ERBB4: variants seen among roughly 807,000 people sequenced by gnomAD.
ERBB4 encodes the protein erb-b2 receptor tyrosine kinase 4, also known as receptor tyrosine-protein kinase erbB-4.
ERBB4 carries 42 observed loss-of-function variants against 158.0 expected under a neutral mutation model. The ratio of observed to expected loss-of-function variants is 0.27; its 90% CI spans 0.21 to 0.34. The LOEUF (loss-of-function observed/expected upper bound fraction) is 0.34. ERBB4 is among the 10% of genes least tolerant of loss of function. The probability of loss-of-function intolerance (pLI) is 1.00; values close to 1 mark genes in which losing one functional copy is unlikely to be tolerated. For synonymous variants in ERBB4, 583 were observed against 558.7 expected (o/e 1.04, Z -0.61); for missense variants, 1,333 against 1,624.1 (o/e 0.82, Z 3.08).
At chr2:212,293,466 C>T (rs72945692) in intron 1 of ERBB4, among the ~76,000 whole-genome samples, 25,197 of 151,910 alleles carry the variant, frequency 0.17, 2,272 homozygotes, top group South Asian at 0.3. Flanking sequence ...AGACAACAAA[C>T]CTTATTAAAA....
chr2:211,482,149 A>C (rs539820376), intron 20 of ERBB4, among the ~76,000 whole-genome samples: 2 of 152,222 alleles, frequency 1.3e-5, no homozygotes, highest in African/African-American at 2.4e-5. Context: ...GATAATCCAG[A>C]GAACTGCAGA....
At chr2:211,662,038 C>CAAAAAAAAAA (rs61318918) in intron 15 of ERBB4, among the ~76,000 whole-genome samples, 12 of 39,704 alleles carry the variant, frequency 3.0e-4, no homozygotes, top group East Asian at 1.6e-3. Flanking sequence ...GACTCCGTCT[C>CAAAAAAAAAA]AAAAAAAAAA....
chr2:212,248,370 C>A (rs1429650974), intron 1 of ERBB4, among the ~76,000 whole-genome samples: 2 of 152,016 alleles, frequency 1.3e-5, no homozygotes, highest in African/African-American at 4.8e-5. Flanking sequence ...TTTTTGTGTC[C>A]TCTGACAACA....
intron 2 of ERBB4, among the ~76,000 whole-genome samples, chr2:211,952,132 T>C (rs866445613): frequency 1.3e-5 from 2 of 152,152 alleles, no homozygotes; most frequent in East Asian, 3.9e-4. Flanking sequence ...AATTCTTATA[T>C]CTAAAAGAAA....
At chr2:211,700,120 A>C (rs1216266637) in intron 12 of ERBB4, among the ~76,000 whole-genome samples, 2 of 152,070 alleles carry the variant, frequency 1.3e-5, no homozygotes, top group African/African-American at 4.8e-5. Flanking sequence ...TTTTTTAAGG[A>C]TGTGGAAGGA....
chr2:212,452,240 A>T (rs2092456870), intron 1 of ERBB4, among the ~76,000 whole-genome samples: 1 of 152,144 alleles, frequency 6.6e-6, no homozygotes, highest in Non-Finnish European at 1.5e-5. Flanking sequence ...CCCCAGAGAA[A>T]CTTAAAGCCT....
At chr2:212,350,703 T>C (rs1024663019) in intron 1 of ERBB4, among the ~76,000 whole-genome samples, 5 of 152,134 alleles carry the variant, frequency 3.3e-5, no homozygotes, top group African/African-American at 1.2e-4. Flanking sequence ...TAAAATTGCC[T>C]ACTATTCTTA....
chr2:212,397,512 G>A (rs570763582), intron 1 of ERBB4, among the ~76,000 whole-genome samples: 1 of 144,280 alleles, frequency 6.9e-6, no homozygotes, highest in Non-Finnish European at 1.6e-5. Flanking sequence ...AGGAAGGAAG[G>A]GGGGAAGGGG....
intron 1 of ERBB4, among the ~76,000 whole-genome samples, chr2:212,292,142 A>C (rs1449501319): frequency 1.3e-5 from 2 of 151,998 alleles, no homozygotes; most frequent in Non-Finnish European, 2.9e-5. Context: ...AACTTTCTCC[A>C]TTATCAAACA....
At chr2:211,422,948 A>G (rs1263285889) in intron 23 of ERBB4, among the ~76,000 whole-genome samples, 1 of 151,944 alleles carries the variant, frequency 6.6e-6, no homozygotes, top group East Asian at 1.9e-4. Flanking sequence ...AAGGCTGTAA[A>G]GCTTGTTCCT....
intron 1 of ERBB4, among the ~76,000 whole-genome samples, chr2:212,330,956 G>A (rs945447425): frequency 6.7e-6 from 1 of 149,908 alleles, no homozygotes; most frequent in Non-Finnish European, 1.5e-5. Context: ...GCAGCAAGTG[G>A]TATATGCAAT....
At chr2:212,433,384 T>G (rs1167019062) in intron 1 of ERBB4, among the ~76,000 whole-genome samples, 1 of 152,030 alleles carries the variant, frequency 6.6e-6, no homozygotes, top group Non-Finnish European at 1.5e-5. Context: ...ACTAAAATAT[T>G]CCTTTAATAA....
intron 3 of ERBB4, among the ~76,000 whole-genome samples, chr2:211,797,970 C>T (rs2076417429): frequency 1.3e-5 from 2 of 151,924 alleles, no homozygotes; most frequent in Admixed American, 6.6e-5. Context: ...TTTTAGATTG[C>T]TTTGTATACA....
At chr2:211,785,002 T>A (rs2076123369) in intron 4 of ERBB4, among the ~76,000 whole-genome samples, 1 of 152,212 alleles carries the variant, frequency 6.6e-6, no homozygotes, top group African/African-American at 2.4e-5. Context: ...ATTCTGGATA[T>A]TAATTCCCTA....
chr2:211,768,415 G>T (rs1370748054), intron 4 of ERBB4, among the ~76,000 whole-genome samples: 1 of 152,204 alleles, frequency 6.6e-6, no homozygotes, highest in Non-Finnish European at 1.5e-5. Context: ...GCCTCAGTAG[G>T]GACTCTGTGT....
chr2:212,498,550 C>T (rs1462379855), intron 1 of ERBB4, among the ~76,000 whole-genome samples: 6 of 152,004 alleles, frequency 3.9e-5, no homozygotes, highest in Non-Finnish European at 8.8e-5. Flanking sequence ...ATATATTCCA[C>T]CTAGGGACAG....
chr2:211,845,184 T>C (rs1429449677), intron 3 of ERBB4, among the ~76,000 whole-genome samples: 1 of 152,078 alleles, frequency 6.6e-6, no homozygotes, highest in Non-Finnish European at 1.5e-5. Context: ...ACAGCTGGCA[T>C]GAATACTGAG....
At chr2:211,777,611 A>C (rs1416312800) in intron 4 of ERBB4, 1 of 152,150 alleles carries the variant, frequency 6.6e-6, no homozygotes, top group African/African-American at 2.4e-5. Context: ...TGCCTAAATG[A>C]ATCATCATCC....
intron 4 of ERBB4, among the ~76,000 whole-genome samples, chr2:211,772,838 C>T (rs58106286): frequency 0.11 from 2,020 of 18,086 alleles, 119 homozygotes; most frequent in Admixed American, 0.15. Context: ...TATATATACA[C>T]ATATATATAT....
Sources: allele counts gnomAD v4.1 joint callset (sites outside exome capture counted in the v4.1 genomes callset), GRCh38; gene constraint gnomAD v4.1.1; transcripts MANE v1.5; gene names NCBI Gene and HGNC (gene_info 2026-07-23, HGNC 2026-07-21).